The following LINGO2 variants were observed in gnomAD, a reference collection of about 807,000 sequenced individuals.
LINGO2 encodes leucine rich repeat and Ig domain containing 2, also known as leucine-rich repeat and immunoglobulin-like domain-containing nogo receptor-interacting protein 2.
In LINGO2, 14 loss-of-function variants were observed where a neutral mutation model predicts 30.6. That is an observed-to-expected ratio of 0.46 (90% CI 0.30 to 0.72). LINGO2 has a LOEUF of 0.72. Among genes scored for constraint, LINGO2 ranks in the 30% least tolerant of loss-of-function variants. The pLI is 0.07. For missense variants in LINGO2, 729 were observed against 751.7 expected (o/e 0.97, Z 0.35); for synonymous variants, 317 against 288.5 (o/e 1.10, Z -1.00).
At chr9:28,136,870 A>C (rs1044455842) in intron 4 of LINGO2, among the ~76,000 whole-genome samples, 3 of 152,182 alleles carry the variant, frequency 2.0e-5, no homozygotes, top group African/African-American at 4.8e-5. Flanking sequence ...TGCTCTCCCC[A>C]GTGTGGGTGG....
chr9:28,181,864 C>T (rs1376636268), intron 4 of LINGO2, among the ~76,000 whole-genome samples: 1 of 152,094 alleles, frequency 6.6e-6, no homozygotes, highest in East Asian at 1.9e-4. Context: ...GAAGAATCAA[C>T]ATCATGAAAA....
chr9:28,440,939 A>G (rs555324431), intron 2 of LINGO2, among the ~76,000 whole-genome samples: 1 of 152,288 alleles, frequency 6.6e-6, no homozygotes, highest in Admixed American at 6.5e-5. Flanking sequence ...ACAAGCTGCT[A>G]TGGTTTGAAT....
chr9:28,213,060 T>C (rs886085403), intron 4 of LINGO2, among the ~76,000 whole-genome samples: 1 of 151,572 alleles, frequency 6.6e-6, no homozygotes. Flanking sequence ...AATCTGAAAC[T>C]GTATGCAAAG....
At chr9:29,028,661 G>T in the LINGO2 span, among the ~76,000 whole-genome samples, 101 of 152,224 alleles carry the variant, frequency 6.6e-4, no homozygotes, top group African/African-American at 2.3e-3. Context: ...ATCCCAAGAG[G>T]TCTCGCATTC....
chr9:28,257,489 T>G (rs562661662), intron 4 of LINGO2, among the ~76,000 whole-genome samples: 1 of 152,086 alleles, frequency 6.6e-6, no homozygotes, highest in South Asian at 2.1e-4. Flanking sequence ...AAATTATGAC[T>G]ACTAGAAGTC....
At chr9:27,953,126 T>G (rs1819395573) in intron 5 of LINGO2, among the ~76,000 whole-genome samples, 1 of 152,096 alleles carries the variant, frequency 6.6e-6, no homozygotes, top group African/African-American at 2.4e-5. Flanking sequence ...CCTGTCATAT[T>G]GATAAAGTTT....
chr9:29,046,483 A>G, the LINGO2 span, among the ~76,000 whole-genome samples: 26 of 152,256 alleles, frequency 1.7e-4, no homozygotes, highest in African/African-American at 6.3e-4. Context: ...AAAGCCAACA[A>G]AAACAATGGG....
chr9:28,434,839 G>A (rs186500333), intron 2 of LINGO2, among the ~76,000 whole-genome samples: 1 of 151,900 alleles, frequency 6.6e-6, no homozygotes, highest in African/African-American at 2.4e-5. Flanking sequence ...AAGGTTTATT[G>A]ACTATTTTCA....
Position 28,020,136 on chromosome 9 carries a change from C to G in LINGO2, c.-86-7731G>C, listed in dbSNP as rs1823040677. Among the ~76,000 whole-genome samples the G allele has an allele frequency of 5.3e-5, 8 of 152,170 alleles. No homozygotes were observed. The South Asian group carries it at 1.7e-3, about 32-fold the overall frequency. The stretch of plus-strand genomic sequence containing the variant: ...TCTGAATGAGCCATCTCTGCGTTAA[C>G]ATTTAGCACACAGCATGCAATCCCT... On this transcript the variant is annotated intron_variant, in intron 4 of 5. Transcript: ENST00000379992.
At chr9:28,497,299 T>G (rs1472038345) in intron 1 of LINGO2, among the ~76,000 whole-genome samples, 1 of 152,216 alleles carries the variant, frequency 6.6e-6, no homozygotes, top group Non-Finnish European at 1.5e-5. Context: ...GGTACACCAA[T>G]CAGACACAGA....
At chr9:28,809,887 T>C in the LINGO2 span, among the ~76,000 whole-genome samples, 1 of 151,890 alleles carries the variant, frequency 6.6e-6, no homozygotes, top group Non-Finnish European at 1.5e-5. Flanking sequence ...GAAAACACTA[T>C]GAGATCTTCA....
intron 3 of LINGO2, among the ~76,000 whole-genome samples, chr9:28,343,340 A>C (rs1819433006): frequency 6.6e-6 from 1 of 152,148 alleles, no homozygotes; most frequent in African/African-American, 2.4e-5. Flanking sequence ...TCCTCACTTC[A>C]AATAAACAAA....
At chr9:29,010,645 G>A in the LINGO2 span, among the ~76,000 whole-genome samples, 10 of 152,130 alleles carry the variant, frequency 6.6e-5, no homozygotes, top group East Asian at 1.9e-4. Flanking sequence ...GACAATTTGC[G>A]TACTTATTTT....
chr9:28,307,824 T>C lies in LINGO2; in HGVS notation c.-245-12458A>G, dbSNP rs558425878. On this transcript the variant is annotated intron_variant, in intron 3 of 5. Coordinates refer to ENST00000379992, the Ensembl canonical transcript of LINGO2. ...GAGCCAAATCATGAGTGAACTCCTA[T>C]TCACAATTGCTTCAAAGAGAATAAA... Among the ~76,000 whole-genome samples, 93 of 152,256 alleles carry C rather than the reference T, an allele frequency of 6.1e-4. 1 individual carries two copies. In the South Asian group the frequency reaches 0.019, roughly 31 times the overall value.
intron 1 of LINGO2, among the ~76,000 whole-genome samples, chr9:28,517,572 G>T (rs1322919032): frequency 6.6e-6 from 1 of 152,138 alleles, no homozygotes; most frequent in Non-Finnish European, 1.5e-5. Context: ...TTAAAAACTG[G>T]TAAATTGCAT....
intron 4 of LINGO2, among the ~76,000 whole-genome samples, chr9:28,048,302 A>G (rs1824516087): frequency 6.6e-6 from 1 of 151,084 alleles, no homozygotes; most frequent in Admixed American, 6.6e-5. Context: ...CTACTAAGTG[A>G]AAACATTGTA....
the LINGO2 span, among the ~76,000 whole-genome samples, chr9:29,073,352 T>C: frequency 6.6e-6 from 1 of 152,040 alleles, no homozygotes; most frequent in African/African-American, 2.4e-5. Context: ...TGTTAAGTAA[T>C]GGGGGAAAAA....
At chr9:28,118,881 GT>G (rs1260776006) in intron 4 of LINGO2, among the ~76,000 whole-genome samples, 1 of 152,078 alleles carries the variant, frequency 6.6e-6, no homozygotes, top group Non-Finnish European at 1.5e-5. Flanking sequence ...AAAGAAGTCT[GT>G]GGGTTTAATA....
chr9:28,474,723 G>C (rs147261515), intron 2 of LINGO2, among the ~76,000 whole-genome samples: 18 of 152,272 alleles, frequency 1.2e-4, no homozygotes, highest in African/African-American at 4.1e-4. Flanking sequence ...GGAAAATCTA[G>C]ATTGAGTGTT....
Sources: allele counts gnomAD v4.1 joint callset (sites outside exome capture counted in the v4.1 genomes callset), GRCh38; gene constraint gnomAD v4.1.1; transcripts MANE v1.5; gene names NCBI Gene and HGNC (gene_info 2026-07-23, HGNC 2026-07-21).